DYNC2H1: variants seen among roughly 807,000 people sequenced by gnomAD.
DYNC2H1 encodes the protein dynein cytoplasmic 2 heavy chain 1, also known as cytoplasmic dynein 2 heavy chain 1.
Under a neutral mutation model 570.0 loss-of-function variants are expected in DYNC2H1, and 410 were observed. The ratio of observed to expected loss-of-function variants is 0.72; its 90% CI spans 0.66 to 0.78. DYNC2H1 has a LOEUF of 0.78. Ranked by LOEUF, DYNC2H1 falls within the 30% of genes least tolerant of loss-of-function variation. DYNC2H1 has a pLI of 0.00. For synonymous variants in DYNC2H1, 1,688 were observed against 1,677.6 expected, an observed-to-expected ratio of 1.01 and a Z score of -0.15; for missense variants, 4,865 against 5,046.4, an observed-to-expected ratio of 0.96 and a Z score of 1.09.
At position 103,125,268 on chromosome 11, in the gene DYNC2H1, C is replaced by T. The variant is rs1858931367; in HGVS notation, c.1830C>T (p.Phe610=). The change falls in exon 12 of 89, where the codon TTC becomes TTT. Residue 610 remains phenylalanine, a synonymous_variant. Transcript: ENST00000375735. The part of the protein sequence containing the change: ...IQQVANIAQK[F]CKQAIILKQV... ...AAGTTGCAAACATTGCACAGAAATT[C>T]TGCAAGCAAGCAATTATTCTTAAAC... The T allele has an allele frequency of 1.9e-6, 3 of 1,607,914 alleles. No individual in the cohort carries two copies. The highest frequency in any genetic ancestry group is 1.1e-5 in the South Asian group (1 of 89,854).
At chr11:103,242,046 G>A (rs1864442077) in intron 63 of DYNC2H1, among the ~76,000 whole-genome samples, 1 of 151,852 alleles carries the variant, frequency 6.6e-6, no homozygotes, top group South Asian at 2.1e-4. Context: ...GATATACAGT[G>A]TTCCCCCCTT....
chr11:103,309,168 A>T (rs376986166), intron 78 of DYNC2H1, among the ~76,000 whole-genome samples: 384 of 54,590 alleles, frequency 7.0e-3, no homozygotes, highest in Middle Eastern at 0.019. Context: ...ACTGCATGCT[A>T]TTTTTTTTTT....
Position 103,304,693 on chromosome 11 carries a change from G to A in DYNC2H1, c.11355G>A (p.Val3785=). The A allele has an allele frequency of 6.2e-7, 1 of 1,612,284 alleles. No individual in the cohort carries two copies. Among genetic ancestry groups the A allele is most frequent in the Non-Finnish European group, 8.5e-7 (1 of 1,178,934 alleles). The change falls in exon 77 of 89, where the codon GTG becomes GTA. Residue 3785 remains valine (V), a synonymous_variant. Transcript: ENST00000375735. ...TCTGTTTGAAGAACTTACATCTTGT[G>A]GTATCTTGGCTGCCAGTTCTGGAAA... ...DWLCLKNLHL[V]VSWLPVLEKE...
intron 84 of DYNC2H1, among the ~76,000 whole-genome samples, chr11:103,417,268 C>G (rs530679179): frequency 2.0e-5 from 3 of 151,904 alleles, no homozygotes; most frequent in African/African-American, 7.3e-5. Context: ...TTAGTTGAGA[C>G]GGGGTTTCAC....
intron 87 of DYNC2H1, among the ~76,000 whole-genome samples, chr11:103,463,070 C>T (rs1036952154): frequency 6.6e-6 from 1 of 152,078 alleles, no homozygotes; most frequent in Non-Finnish European, 1.5e-5. Context: ...TAGTACAAAC[C>T]TTATTTTTCT....
At chr11:103,139,731 C>T (rs1859793085) in intron 17 of DYNC2H1, among the ~76,000 whole-genome samples, 2 of 151,828 alleles carry the variant, frequency 1.3e-5, no homozygotes, top group African/African-American at 2.4e-5. Context: ...TCTATTAGGT[C>T]CACTTGGTGC....
chr11:103,129,656 C>G lies in DYNC2H1; in HGVS notation c.1953+651C>G, dbSNP rs1299842018. ...TCGAGATCGTGCCACTGCACTCTAG[C>G]CTGGGAGACAGAGCGACTCCATCTC... On this transcript the variant is annotated intron_variant, in intron 13 of 88. Coordinates refer to ENST00000375735, the MANE Select transcript of DYNC2H1 (RefSeq NM_001377.3). This position sits in a 1 kb window ranked among gnomAD's most constrained non-coding sequence, Gnocchi z 4.1. Among the ~76,000 whole-genome samples the G allele has an allele frequency of 2.0e-5, 3 of 151,620 alleles. No individual in the cohort carries two copies. The highest frequency in any genetic ancestry group is 7.3e-5 in the African/African-American group (3 of 41,234).
intron 54 of DYNC2H1, among the ~76,000 whole-genome samples, chr11:103,213,570 G>T (rs1384049358): frequency 6.6e-6 from 1 of 151,652 alleles, no homozygotes; most frequent in Non-Finnish European, 1.5e-5. Context: ...AATGATCAAA[G>T]GGTGATTAGT....
At position 103,203,002 on chromosome 11, in the gene DYNC2H1, C is replaced by G. The variant is rs1409339311; in HGVS notation, c.8198-661C>G. Among the ~76,000 whole-genome samples, 1 of 152,082 alleles carries G rather than the reference C, an allele frequency of 6.6e-6. No homozygotes were observed. Among genetic ancestry groups the G allele is most frequent in the African/African-American group, 2.4e-5 (1 of 41,420 alleles). ...GGACCAGTTCTTCTGATTTCTAGTA[C>G]AAGTTCATCTTTTCATTCATTCATT... On this transcript the variant is annotated intron_variant, in intron 50 of 88. Transcript: ENST00000375735. The surrounding 1 kb of genome is among the most constrained non-coding windows in gnomAD (Gnocchi z 4.7).
At chr11:103,454,242 T>C (rs1243927212) in intron 85 of DYNC2H1, among the ~76,000 whole-genome samples, 4 of 152,174 alleles carry the variant, frequency 2.6e-5, no homozygotes, top group Admixed American at 6.5e-5. Flanking sequence ...AGGCTGTTTA[T>C]AAATCATGCA....
chr11:103,439,241 A>T lies in DYNC2H1; in HGVS notation c.12456+3209A>T, dbSNP rs578224636. Reference sequence around the variant, plus strand: ...TGCCTAAGCTGGGAACTTAGTAGGAATAAACCAGATGAGGATGAGACGAAA... The same window carrying T: ...TGCCTAAGCTGGGAACTTAGTAGGATTAAACCAGATGAGGATGAGACGAAA... On this transcript the variant is annotated intron_variant, in intron 85 of 88. Coordinates refer to ENST00000375735, the MANE Select transcript of DYNC2H1 (RefSeq NM_001377.3). This position sits in a 1 kb window ranked among gnomAD's most constrained non-coding sequence, Gnocchi z 4.1. Among the ~76,000 whole-genome samples the T allele has an allele frequency of 7.9e-5, 12 of 152,292 alleles. No homozygotes were observed. In the East Asian group the frequency reaches 9.6e-4, roughly 12 times the overall value.
chr11:103,141,689 G>A (rs1248227402), intron 17 of DYNC2H1, among the ~76,000 whole-genome samples: 5 of 152,302 alleles, frequency 3.3e-5, no homozygotes, highest in Admixed American at 3.3e-4. Flanking sequence ...GAGGCAGTCT[G>A]CCCGTTCTCA....
chr11:103,350,461 T>C (rs1421365782), intron 82 of DYNC2H1, among the ~76,000 whole-genome samples: 1 of 152,146 alleles, frequency 6.6e-6, no homozygotes, highest in Non-Finnish European at 1.5e-5. Flanking sequence ...AACATAGAGC[T>C]AGTTGGCATC....
At position 103,433,851 on chromosome 11, in the gene DYNC2H1, T is replaced by C. The variant is rs187908333; in HGVS notation, c.12367-2092T>C. ...AAGACCAGTGAACTACAGTGACAAG[T>C]TGCCCGTTCCCTTTAAAACCAATAT... On this transcript the variant is annotated intron_variant, in intron 84 of 88. Coordinates refer to ENST00000375735, the MANE Select transcript of DYNC2H1 (RefSeq NM_001377.3). Among the ~76,000 whole-genome samples the C allele has an allele frequency of 1.8e-4, 28 of 152,238 alleles. No homozygotes were observed. The East Asian group carries it at 5.4e-3, about 29-fold the overall frequency.
In DYNC2H1 at chr11:103,479,826, G is replaced by A. The variant is rs1945685283; in HGVS notation, c.*573G>A. The A allele has an allele frequency of 6.6e-6, 1 of 151,896 alleles. No individual in the cohort carries two copies. Among genetic ancestry groups the A allele is most frequent in the Non-Finnish European group, 1.5e-5 (1 of 67,984 alleles). The allele number at this position is 151,896 out of a possible 1,614,324, so 9.4% of individuals were successfully genotyped here. ...ATAATTCAGGTGACATAATAATGGA[G>A]GATAAATTCTGGTTATTAAACATTC... On this transcript the variant is annotated 3_prime_UTR_variant, in exon 89 of 89. Coordinates refer to ENST00000375735, the MANE Select transcript of DYNC2H1 (RefSeq NM_001377.3).
chr11:103,341,651 A>G (rs1431365072), intron 82 of DYNC2H1, among the ~76,000 whole-genome samples: 1 of 152,178 alleles, frequency 6.6e-6, no homozygotes, highest in Non-Finnish European at 1.5e-5. Flanking sequence ...AAGAATTGCT[A>G]ATTTTGGTAT....
intron 55 of DYNC2H1, among the ~76,000 whole-genome samples, chr11:103,217,354 A>G (rs372768498): frequency 0.028 from 22 of 786 alleles, 11 homozygotes; most frequent in African/African-American, 0.13. Context: ...AGTAGCTGGG[A>G]CTGGGACTTA....
At position 103,324,281 on chromosome 11, in the gene DYNC2H1, G is replaced by A. The variant is rs994978146; in HGVS notation, c.12039+291G>A. ...GATTATTTTATCACGTAGGTAATAAGTATAGTGCCCAACAGGTAATTTTTC... is the reference window on the plus strand; with the variant it reads ...GATTATTTTATCACGTAGGTAATAAATATAGTGCCCAACAGGTAATTTTTC... On this transcript the variant is annotated intron_variant, in intron 82 of 88. Coordinates refer to ENST00000375735, the MANE Select transcript of DYNC2H1 (RefSeq NM_001377.3). This position sits in a 1 kb window ranked among gnomAD's most constrained non-coding sequence, Gnocchi z 5.2. Among the ~76,000 whole-genome samples, 1 of 152,108 alleles carries A rather than the reference G, an allele frequency of 6.6e-6. No individual in the cohort carries two copies. Among genetic ancestry groups the A allele is most frequent in the African/African-American group, 2.4e-5 (1 of 41,398 alleles).
Position 103,390,629 on chromosome 11 carries a change from C to T in DYNC2H1, c.12157-9034C>T, listed in dbSNP as rs547687241. On this transcript the variant is annotated intron_variant, in intron 83 of 88. Transcript: ENST00000375735. ...ACAATTTGGCATGTTTTTGCAGTGGCTGGTACCAGTTGTTCCTTTCCATGT... is the reference window on the plus strand; with the variant it reads ...ACAATTTGGCATGTTTTTGCAGTGGTTGGTACCAGTTGTTCCTTTCCATGT... Among the ~76,000 whole-genome samples, 7 of 152,302 alleles carry T rather than the reference C, an allele frequency of 4.6e-5. No homozygotes were observed. In the South Asian group the frequency reaches 1.4e-3, roughly 32 times the overall value.
Sources: gnomAD v4.1 joint callset for allele counts (sites outside exome capture counted in the v4.1 genomes callset) on GRCh38, gnomAD v4.1.1 for gene constraint, Gnocchi (gnomAD v3.1) non-coding constraint, MANE v1.5 for transcripts, NCBI Gene and HGNC (gene_info 2026-07-23, HGNC 2026-07-21) for gene names.